The following GH1 variants were observed in gnomAD, a reference collection of about 807,000 sequenced individuals.
The protein encoded by GH1 is growth hormone 1.
In GH1, 13 loss-of-function variants were observed where a neutral mutation model predicts 24.5. The ratio of observed to expected loss-of-function variants is 0.53; its 90% CI spans 0.35 to 0.85. The LOEUF (loss-of-function observed/expected upper bound fraction) is 0.85. Among genes scored for constraint, GH1 ranks in the 40% least tolerant of loss-of-function variants. The pLI, the probability that GH1 is intolerant of heterozygous loss-of-function variation, is 0.01. For missense variants in GH1, 294 were observed against 273.2 expected (o/e 1.08, Z -0.54); for synonymous variants, 126 against 116.3 (o/e 1.08, Z -0.54).
Position 63,918,089 on chromosome 17 carries a change from G to T in GH1, c.219C>A (p.Asn73Lys), listed in dbSNP as rs750410681. The T allele has an allele frequency of 9.3e-6, 15 of 1,614,028 alleles. 1 individual carries two copies. Among genetic ancestry groups the T allele is most frequent in the Middle Eastern group, 3.3e-4 (2 of 6,084 alleles). ...PKEQKYSFLQ[N>K]PQTSLCFSES... is the part of the protein sequence containing the mutation. Reference sequence around the variant, plus strand: ...CTGAGAAACAGAGGGAGGTCTGGGGGTTCTGCAGGAATGAATACTTCTGTT... The same window carrying T: ...CTGAGAAACAGAGGGAGGTCTGGGGTTTCTGCAGGAATGAATACTTCTGTT... Residue 73 changes from asparagine (N) to lysine (K), a missense_variant, in exon 3 of 5, where the codon AAC becomes AAA. Asn to Lys is a moderately conservative substitution (Grantham distance 94, BLOSUM62 0). Transcript: ENST00000323322.
intron 2 of GH1, 47 bp from the exon 3 acceptor site, chr17:63,918,183 C>G (rs753566890): frequency 3.1e-6 from 5 of 1,614,108 alleles, no homozygotes; most frequent in Non-Finnish European, 3.4e-6. Flanking sequence ...GACCAGCTCC[C>G]ATTGTTACTT....
rs1247617334 is a variant in GH1, at chr17:63,918,335, C to T, written c.171+11G>A. ...CCACCCCTGATGCGCACCCATTCCC[C>T]AAGAGCTTACAAACTCCTGGTAGGT... On this transcript the variant is annotated intron_variant, in intron 2 of 4. Coordinates refer to ENST00000323322, the MANE Select transcript of GH1 (RefSeq NM_000515.5). 1 of 1,614,118 alleles carries T rather than the reference C, an allele frequency of 6.2e-7. No individual in the cohort carries two copies. Among genetic ancestry groups the T allele is most frequent in the Non-Finnish European group, 8.5e-7 (1 of 1,179,988 alleles).
intron 4 of GH1, 76 bp from the exon 5 acceptor site, chr17:63,917,582 C>T: frequency 1.2e-6 from 2 of 1,613,906 alleles, no homozygotes; most frequent in Non-Finnish European, 8.5e-7. Context: ...ATTCATTTTC[C>T]TCCCTCCCCT....
intron 4 of GH1, 22 bp from the exon 5 acceptor site, chr17:63,917,528 G>A (rs1907406964): frequency 1.2e-6 from 2 of 1,613,976 alleles, no homozygotes; most frequent in African/African-American, 2.7e-5. Context: ...AGGAAGAGAA[G>A]GAGAGGCCAA....
chr17:63,917,461 T>A lies in GH1; in HGVS notation c.502A>T (p.Thr168Ser), dbSNP rs771280061. 1.8e-5 allele frequency: 29 copies of A among 1,613,876 alleles called. No homozygotes were observed. The highest frequency in any genetic ancestry group is 3.3e-5 in the Admixed American group (2 of 59,996). ...GAGTTTGTGTCGAACTTGCTGTAGG[T>A]CTGCTTGAAGATCTGCCCAGTCCGG... ...SPRTGQIFKQ[T>S]YSKFDTNSHN... Residue 168 changes from threonine to serine, a missense_variant, in exon 5 of 5, where the codon ACC becomes TCC. By Grantham distance (58) the Thr-to-Ser change is moderately conservative. Transcript: ENST00000323322.
chr17:63,917,940 G>A lies in GH1; in HGVS notation c.292-16C>T, dbSNP rs41295039. Reference sequence around the variant, plus strand: ...GCTCTAGGTTCTGCAGGGGAAGGACGGGCATTGGCTGTGCTGCCCGGGGGC... The same window carrying A: ...GCTCTAGGTTCTGCAGGGGAAGGACAGGCATTGGCTGTGCTGCCCGGGGGC... On this transcript the variant is annotated splice_polypyrimidine_tract_variant and intron_variant, in intron 3 of 4. Transcript: ENST00000323322. The A allele has an allele frequency of 1.4e-5, 22 of 1,613,744 alleles. No homozygotes were observed. The highest frequency in any genetic ancestry group is 5.4e-5 in the African/African-American group (4 of 74,700).
chr17:63,918,617 C>A, intron 1 of GH1, 111 bp from the exon 2 acceptor site: 1 of 1,609,906 alleles, frequency 6.2e-7, no homozygotes, highest in Non-Finnish European at 8.5e-7. Context: ...GGACCAGGAG[C>A]TTTCTGAGAT....
At chr17:63,918,207 A>G (rs1389631872) in intron 2 of GH1, 71 bp from the exon 3 acceptor site, 2 of 1,613,046 alleles carry the variant, frequency 1.2e-6, no homozygotes, top group Non-Finnish European at 1.7e-6. Context: ...TGGGAACCTC[A>G]CTCAGCGTGT....
rs61735356 is a variant in GH1 at position 63,917,608 on chromosome 17, A to T, written c.457-102T>A. The T allele has an allele frequency of 2.9e-3, 4,746 of 1,613,804 alleles. 119 individuals carry two copies. In the African/African-American group the frequency reaches 0.056, roughly 19 times the overall value. On this transcript the variant is annotated intron_variant, in intron 4 of 4. Transcript: ENST00000323322. ...TCCCTCCCCTTCAGGGTGTAGAGAA[A>T]GGCCTGGAGGATTCACGAGGGGAAA...
rs1026704599 is a variant in GH1 at position 63,918,586 on chromosome 17, T to C, written c.11-80A>G. Reference sequence around the variant, plus strand: ...CTCCCTGCTCCAGGAGCTGTTTGTTTTTCTCTCTCCATCCCTCCAGGGACC... The same window carrying C: ...CTCCCTGCTCCAGGAGCTGTTTGTTCTTCTCTCTCCATCCCTCCAGGGACC... On this transcript the variant is annotated intron_variant, in intron 1 of 4. Transcript: ENST00000323322. 3.7e-6 allele frequency: 6 copies of C among 1,611,274 alleles called. No homozygotes were observed. The African/African-American group carries it at 4.0e-5, about 11-fold the overall frequency.
chr17:63,917,211 C>T lies in GH1; in HGVS notation c.*98G>A, dbSNP rs770427079. ...CACCTAGTCAGACAAAATGATGCAA[C>T]TTAATTTTATTAGGACAAGGCTGGT... On this transcript the variant is annotated 3_prime_UTR_variant, in exon 5 of 5. Coordinates refer to ENST00000323322, the MANE Select transcript of GH1 (RefSeq NM_000515.5). 3.8e-6 allele frequency: 6 copies of T among 1,589,966 alleles called. No homozygotes were observed. In the South Asian group the frequency reaches 6.7e-5, roughly 18 times the overall value.
Position 63,918,351 on chromosome 17 carries a change from C to G in GH1, c.166G>C (p.Glu56Gln). 1 of 1,614,198 alleles carries G rather than the reference C, an allele frequency of 6.2e-7. No homozygotes were observed. Among genetic ancestry groups the G allele is most frequent in the Non-Finnish European group, 8.5e-7 (1 of 1,180,026 alleles). ...LHQLAFDTYQ[E>Q]FEEAYIPKEQ... ...CCCATTCCCCAAGAGCTTACAAACT[C>G]CTGGTAGGTGTCAAAGGCCAGCTGG... The change falls in exon 2 of 5, where the codon GAG (glutamate) becomes CAG (glutamine). Residue 56 changes from glutamate (E) to glutamine (Q), a missense_variant. Glu to Gln is a conservative substitution (Grantham distance 29, BLOSUM62 2). Transcript: ENST00000323322.
At position 63,917,811 on chromosome 17, in the gene GH1, G is replaced by T. The variant is rs41295041; in HGVS notation, c.405C>A (p.Asn135Lys). The T allele has an allele frequency of 1.2e-6, 2 of 1,614,144 alleles. No individual in the cohort carries two copies. Among genetic ancestry groups the T allele is most frequent in the South Asian group, 1.1e-5 (1 of 91,076 alleles). ...CTAGGTCCTTTAGGAGGTCATAGACGTTGCTGTCAGAGGCGCCGTACACCA... is the reference window on the plus strand; with the variant it reads ...CTAGGTCCTTTAGGAGGTCATAGACTTTGCTGTCAGAGGCGCCGTACACCA... ...NSLVYGASDS[N>K]VYDLLKDLEE... Residue 135 changes from asparagine to lysine, a missense_variant, in exon 4 of 5, where the codon AAC becomes AAA. Physicochemically the swap from Asn to Lys is moderately conservative, Grantham distance 94. Transcript: ENST00000323322.
chr17:63,918,303 C>T (rs749999279), intron 2 of GH1, 43 bp downstream of exon 2: 77 of 1,613,460 alleles, frequency 4.8e-5, no homozygotes, highest in Admixed American at 6.7e-5. Context: ...AAAGTCACCC[C>T]TTCCTGCCAC....
chr17:63,917,233 T>A lies in GH1; in HGVS notation c.*76A>T. On this transcript the variant is annotated 3_prime_UTR_variant, in exon 5 of 5. Transcript: ENST00000323322. ...CAACTTAATTTTATTAGGACAAGGCTGGTGGGCACTGGAGTGGCAACTTCC... is the reference window on the plus strand; with the variant it reads ...CAACTTAATTTTATTAGGACAAGGCAGGTGGGCACTGGAGTGGCAACTTCC... 1.2e-6 allele frequency: 2 copies of A among 1,607,930 alleles called. No individual in the cohort carries two copies. The highest frequency in any genetic ancestry group is 1.7e-6 in the Non-Finnish European group (2 of 1,174,610).
Position 63,917,897 on chromosome 17 carries a change from G to A in GH1, c.319C>T (p.Leu107=). Residue 107 remains leucine (L), a synonymous_variant, in exon 4 of 5, where the codon CTG becomes TTG. Coordinates refer to ENST00000323322, the MANE Select transcript of GH1 (RefSeq NM_000515.5). ...GGCTCCAGCCACGACTGGATGAGCAGCAGGGAGATGCGGAGCAGCTCTAGG... is the reference window on the plus strand; with the variant it reads ...GGCTCCAGCCACGACTGGATGAGCAACAGGGAGATGCGGAGCAGCTCTAGG... The part of the protein sequence containing the change: ...SNLELLRISL[L]LIQSWLEPVQ... The A allele has an allele frequency of 6.2e-7, 1 of 1,614,228 alleles. No individual in the cohort carries two copies. The highest frequency in any genetic ancestry group is 1.1e-5 in the South Asian group (1 of 91,086).
rs191202934 is a variant in GH1, at chr17:63,918,340, G to A, written c.171+6C>T. 1.1e-4 allele frequency: 175 copies of A among 1,614,030 alleles called. 2 individuals are homozygous for A. The highest frequency in any genetic ancestry group is 3.4e-4 in the South Asian group (31 of 91,086). The stretch of plus-strand genomic sequence containing the variant: ...CCTGATGCGCACCCATTCCCCAAGA[G>A]CTTACAAACTCCTGGTAGGTGTCAA... On this transcript the variant is annotated splice_donor_region_variant and intron_variant, in intron 2 of 4. Transcript: ENST00000323322.
At chr17:63,917,626 A>T in intron 4 of GH1, 120 bp from the exon 5 acceptor site, 1 of 1,613,642 alleles carries the variant, frequency 6.2e-7, no homozygotes, top group East Asian at 2.2e-5. Context: ...AGGATTCACG[A>T]GGGGAAATGA....
chr17:63,918,197 T>C, intron 2 of GH1, 61 bp from the exon 3 acceptor site: 4 of 1,613,982 alleles, frequency 2.5e-6, no homozygotes, highest in Non-Finnish European at 3.4e-6. Flanking sequence ...GTTACTTTTC[T>C]GGGAACCTCA....
Sources: gnomAD v4.1 joint callset for allele counts on GRCh38, gnomAD v4.1.1 for gene constraint, MANE v1.5 for transcripts, NCBI Gene and HGNC (gene_info 2026-07-23, HGNC 2026-07-21) for gene names.